FSCB: variants seen among roughly 807,000 people sequenced by gnomAD.
FSCB encodes fibrous sheath CABYR binding protein.
For missense variants in FSCB, 975 were observed against 934.8 expected (o/e 1.04, Z -0.56); for synonymous variants, 331 against 336.6 (o/e 0.98, Z 0.18).
At position 44,504,505 on chromosome 14, in the gene FSCB, C is replaced by A; in HGVS notation, c.*5G>T. ...CTTCTGATTGCTAGCTTAGGTACAA[C>A]CTGACTACAGTTCAGGAGGACGTTG... On this transcript the variant is annotated 3_prime_UTR_variant, in exon 1 of 1. Transcript: ENST00000340446. 3 of 1,590,518 alleles carry A rather than the reference C, an allele frequency of 1.9e-6. No individual in the cohort carries two copies. The highest frequency in any genetic ancestry group is 8.6e-7 in the Non-Finnish European group (1 of 1,167,552).
At position 44,505,622 on chromosome 14, in the gene FSCB, C is replaced by G; in HGVS notation, c.1366G>C (p.Glu456Gln). 6.2e-7 allele frequency: 1 copy of G among 1,613,444 alleles called. No individual in the cohort carries two copies. Among genetic ancestry groups the G allele is most frequent in the Non-Finnish European group, 8.5e-7 (1 of 1,179,986 alleles). The change falls in exon 1 of 1, where the codon GAA becomes CAA. Residue 456 changes from glutamate to glutamine, a missense_variant. Transcript: ENST00000340446. ...METPAEEAPT[E>Q]FQSPLPKETT... The stretch of plus-strand genomic sequence containing the variant: ...TCTTTAGGTAATGGAGACTGAAATT[C>G]AGTAGGAGCCTCTTCTGCAGGGGTC...
rs1881018074 is a variant in FSCB, at chr14:44,504,662, C to T, written c.2326G>A (p.Val776Ile). 3 of 1,614,170 alleles carry T rather than the reference C, an allele frequency of 1.9e-6. No individual in the cohort carries two copies. The highest frequency in any genetic ancestry group is 1.7e-6 in the Non-Finnish European group (2 of 1,180,048). Residue 776 changes from valine to isoleucine, a missense_variant, in exon 1 of 1, where the codon GTT (valine) becomes ATT (isoleucine). Physicochemically the swap from Val to Ile is conservative, Grantham distance 29. Coordinates refer to ENST00000340446, the MANE Select transcript of FSCB (RefSeq NM_032135.4). Reference sequence around the variant, plus strand: ...AATTTTGCTTCACCTTCCAAAACAACCGATCCTAATTTTACTGCTGGAATT... The same window carrying T: ...AATTTTGCTTCACCTTCCAAAACAATCGATCCTAATTTTACTGCTGGAATT... ...AGIPAVKLGS[V>I]VLEGEAKFEE...
In FSCB at chr14:44,505,979, A is replaced by G; in HGVS notation, c.1009T>C (p.Ser337Pro). 6.2e-7 allele frequency: 1 copy of G among 1,613,836 alleles called. No individual in the cohort carries two copies. Among genetic ancestry groups the G allele is most frequent in the Non-Finnish European group, 8.5e-7 (1 of 1,179,810 alleles). Residue 337 changes from serine to proline, a missense_variant, in exon 1 of 1, where the codon TCA becomes CCA. Physicochemically the swap from Ser to Pro is moderately conservative, Grantham distance 74. Coordinates refer to ENST00000340446, the MANE Select transcript of FSCB (RefSeq NM_032135.4). ...VEFPAEIQPP[S>P]AEESPSVELL... ...TCTACAGAAGGAGACTCTTCAGCTG[A>G]TGGAGGCTGAATTTCAGCAGGAAAC...
In FSCB at chr14:44,506,082, A is replaced by G; in HGVS notation, c.906T>C (p.Asp302=). The change falls in exon 1 of 1, where the codon GAT becomes GAC. Residue 302 remains aspartate, a synonymous_variant. Transcript: ENST00000340446. ...QVQPSTEETP[D]AEAATAVAEN... is the part of the protein sequence containing the mutation. ...CCGCAACTGCAGTGGCTGCCTCAGC[A>G]TCAGGAGTCTCTTCAGTTGATGGCT... 3 of 1,614,164 alleles carry G rather than the reference A, an allele frequency of 1.9e-6. No individual in the cohort carries two copies. The South Asian group carries it at 3.3e-5, about 18-fold the overall frequency.
chr14:44,505,946 C>G lies in FSCB; in HGVS notation c.1042G>C (p.Ala348Pro), dbSNP rs147364476. 3.1e-4 allele frequency: 492 copies of G among 1,613,106 alleles called. No homozygotes were observed. Among genetic ancestry groups the G allele is most frequent in the Non-Finnish European group, 4.0e-4 (471 of 1,179,294 alleles). ...AEESPSVELL[A>P]EILPPSAEES... ...TCAGCTGATGGAGGCAGAATTTCAG[C>G]CAGAAGCTCTACAGAAGGAGACTCT... Residue 348 changes from alanine (A) to proline (P), a missense_variant, in exon 1 of 1, where the codon GCT becomes CCT. Coordinates refer to ENST00000340446, the MANE Select transcript of FSCB (RefSeq NM_032135.4).
chr14:44,505,178 C>G lies in FSCB; in HGVS notation c.1810G>C (p.Glu604Gln). Residue 604 changes from glutamate to glutamine, a missense_variant, in exon 1 of 1, where the codon GAA becomes CAA. Glu to Gln is a conservative substitution (Grantham distance 29). Coordinates refer to ENST00000340446, the MANE Select transcript of FSCB (RefSeq NM_032135.4). Reference sequence around the variant, plus strand: ...GGCTGAACTTCAGCAGGAGCCTCTTCTGCAGAAGCCTCTGTAGCTGCTAGA... The same window carrying G: ...GGCTGAACTTCAGCAGGAGCCTCTTGTGCAGAAGCCTCTGTAGCTGCTAGA... ...QLLAATEASA[E>Q]EAPAEVQPPP... 1 of 1,612,176 alleles carries G rather than the reference C, an allele frequency of 6.2e-7. No individual in the cohort carries two copies. Among genetic ancestry groups the G allele is most frequent in the Non-Finnish European group, 8.5e-7 (1 of 1,179,972 alleles).
Position 44,506,914 on chromosome 14 carries a change from G to A in FSCB, c.74C>T (p.Pro25Leu), listed in dbSNP as rs567888781. 3 of 1,610,958 alleles carry A rather than the reference G, an allele frequency of 1.9e-6. No individual in the cohort carries two copies. The highest frequency in any genetic ancestry group is 2.5e-6 in the Non-Finnish European group (3 of 1,177,672). Reference protein sequence around the residue: ...KHMAIPKSSSPKATHRIGNTS... With the variant: ...KHMAIPKSSSLKATHRIGNTS... ...ATTACCAATACGATGGGTAGCTTTG[G>A]GGCTAGATGATTTTGGTATGGCCAT... The change falls in exon 1 of 1, where the codon CCC (proline) becomes CTC (leucine). Residue 25 changes from proline (P) to leucine (L), a missense_variant. By Grantham distance (98) the Pro-to-Leu change is moderately conservative. Transcript: ENST00000340446.
rs1414283611 is a variant in FSCB at position 44,504,475 on chromosome 14, T to G, written c.*35A>C. On this transcript the variant is annotated 3_prime_UTR_variant, in exon 1 of 1. Coordinates refer to ENST00000340446, the MANE Select transcript of FSCB (RefSeq NM_032135.4). ...TCTAAAGTATGTTCTTCCAAAACCA[T>G]GTAGCTTCTGATTGCTAGCTTAGGT... 1 of 1,499,960 alleles carries G rather than the reference T, an allele frequency of 6.7e-7. No homozygotes were observed. The highest frequency in any genetic ancestry group is 1.3e-5 in the South Asian group (1 of 76,772). The allele number at this position is 1,499,960 out of a possible 1,614,324, so 92.9% of individuals were successfully genotyped here. A position where few individuals can be genotyped will look rare whatever the true frequency, so the allele number is the denominator to read the frequency against.
At position 44,506,119 on chromosome 14, in the gene FSCB, T is replaced by A. The variant is rs1350040172; in HGVS notation, c.869A>T (p.His290Leu). ...KAEPRPAEET[H>L]VQVQPSTEET... ...TTCAGTTGATGGCTGTACTTGGACATGGGTCTCTTCAGCAGGTCTGGGCTC... is the reference window on the plus strand; with the variant it reads ...TTCAGTTGATGGCTGTACTTGGACAAGGGTCTCTTCAGCAGGTCTGGGCTC... The change falls in exon 1 of 1, where the codon CAT becomes CTT. Residue 290 changes from histidine (H) to leucine (L), a missense_variant. His to Leu is a moderately conservative substitution (Grantham distance 99). Transcript: ENST00000340446. 6.2e-7 allele frequency: 1 copy of A among 1,614,026 alleles called. No individual in the cohort carries two copies. Among genetic ancestry groups the A allele is most frequent in the Non-Finnish European group, 8.5e-7 (1 of 1,179,992 alleles).
In FSCB at chr14:44,506,509, C is replaced by G; in HGVS notation, c.479G>C (p.Ser160Thr). ...GGAAATAACCACTATTTCTGATTCA[C>G]TAAAGTATGTCTGTTGTTCCTTGTC... ...KVDKEQQTYF[S>T]ESEIVVISRP... The change falls in exon 1 of 1, where the codon AGT becomes ACT. Residue 160 changes from serine to threonine, a missense_variant. By Grantham distance (58) the Ser-to-Thr change is moderately conservative. Coordinates refer to ENST00000340446, the MANE Select transcript of FSCB (RefSeq NM_032135.4). The G allele has an allele frequency of 6.2e-7, 1 of 1,614,190 alleles. No homozygotes were observed. Among genetic ancestry groups the G allele is most frequent in the Non-Finnish European group, 8.5e-7 (1 of 1,180,022 alleles).
At position 44,506,302 on chromosome 14, in the gene FSCB, A is replaced by G. The variant is rs374505767; in HGVS notation, c.686T>C (p.Leu229Pro). The change falls in exon 1 of 1, where the codon CTT becomes CCT. Residue 229 changes from leucine to proline, a missense_variant. Coordinates refer to ENST00000340446, the MANE Select transcript of FSCB (RefSeq NM_032135.4). ...TQETKKGPPV[L>P]LEDELREEVT... ...TTCTTCCCTAAGCTCATCTTCTAAA[A>G]GTACCGGGGGACCTTTTTTAGTCTC... The G allele has an allele frequency of 6.2e-7, 1 of 1,614,018 alleles. No individual in the cohort carries two copies.
rs781774468 is a variant in FSCB at position 44,505,506 on chromosome 14, T to C, written c.1482A>G (p.Pro494=). ...ADETPAEARS[P]LSEETSAEEA... ...CTTCTGCAGAAGTCTCCTCAGATAG[T>C]GGAGACCGAGCTTCGGCAGGAGTTT... The change falls in exon 1 of 1, where the codon CCA becomes CCG. Residue 494 remains proline, a synonymous_variant. Coordinates refer to ENST00000340446, the MANE Select transcript of FSCB (RefSeq NM_032135.4). The C allele has an allele frequency of 4.0e-5, 64 of 1,612,156 alleles. No homozygotes were observed. In the East Asian group the frequency reaches 1.2e-3, roughly 30 times the overall value.
At position 44,505,576 on chromosome 14, in the gene FSCB, G is replaced by A. The variant is rs768084268; in HGVS notation, c.1412C>T (p.Ser471Phe). ...AGCTGCTAGAAGCTGAATTTCAGCA[G>A]AGGCCTCTTCTGCAGTGGTCTCTTT... ...LPKETTAEEA[S>F]AEIQLLAATE... is the part of the protein sequence containing the mutation. The change falls in exon 1 of 1, where the codon TCT becomes TTT. Residue 471 changes from serine to phenylalanine, a missense_variant. Transcript: ENST00000340446. The A allele has an allele frequency of 6.8e-6, 11 of 1,612,818 alleles. No individual in the cohort carries two copies. The South Asian group carries it at 1.2e-4, about 18-fold the overall frequency.
At position 44,506,401 on chromosome 14, in the gene FSCB, G is replaced by C. The variant is rs1458467577; in HGVS notation, c.587C>G (p.Pro196Arg). The change falls in exon 1 of 1, where the codon CCT becomes CGT. Residue 196 changes from proline to arginine, a missense_variant. Coordinates refer to ENST00000340446, the MANE Select transcript of FSCB (RefSeq NM_032135.4). ...GCTGTTTGTTGCTGGTTGAAATTCA[G>C]GGTGTTCACTAGCAAAAATCTTTCC... ...SSGKIFASEH[P>R]EFQPATNSNE... 6.2e-7 allele frequency: 1 copy of C among 1,613,884 alleles called. No homozygotes were observed. Among genetic ancestry groups the C allele is most frequent in the African/African-American group, 1.3e-5 (1 of 74,834 alleles).
In FSCB at chr14:44,506,495, C is replaced by T. The variant is rs1461710339; in HGVS notation, c.493G>A (p.Val165Met). The T allele has an allele frequency of 5.0e-6, 8 of 1,614,202 alleles. No individual in the cohort carries two copies. The highest frequency in any genetic ancestry group is 6.8e-6 in the Non-Finnish European group (8 of 1,180,036). Residue 165 changes from valine (V) to methionine (M), a missense_variant, in exon 1 of 1, where the codon GTG (valine) becomes ATG (methionine). Coordinates refer to ENST00000340446, the MANE Select transcript of FSCB (RefSeq NM_032135.4). ...QQTYFSESEI[V>M]VISRPDSSST... ...GAACTATCTGGCCTGGAAATAACCA[C>T]TATTTCTGATTCACTAAAGTATGTC... is the stretch of plus-strand genomic sequence containing the variant.
Position 44,506,481 on chromosome 14 carries a change from C to A in FSCB, c.507G>T (p.Arg169Ser). Residue 169 changes from arginine to serine, a missense_variant, in exon 1 of 1, where the codon AGG becomes AGT. Physicochemically the swap from Arg to Ser is moderately radical, Grantham distance 110. Coordinates refer to ENST00000340446, the MANE Select transcript of FSCB (RefSeq NM_032135.4). ...TTGACTTTGTAGAAGAACTATCTGGCCTGGAAATAACCACTATTTCTGATT... is the reference window on the plus strand; with the variant it reads ...TTGACTTTGTAGAAGAACTATCTGGACTGGAAATAACCACTATTTCTGATT... ...FSESEIVVISRPDSSSTKSKE... is the reference protein window; with the variant it reads ...FSESEIVVISSPDSSSTKSKE... 6.2e-7 allele frequency: 1 copy of A among 1,614,138 alleles called. No individual in the cohort carries two copies. Among genetic ancestry groups the A allele is most frequent in the Non-Finnish European group, 8.5e-7 (1 of 1,180,024 alleles).
rs777813502 is a variant in FSCB, at chr14:44,505,959, A to G, written c.1029T>C (p.Ser343=). The G allele has an allele frequency of 1.2e-6, 2 of 1,613,010 alleles. No individual in the cohort carries two copies. Among genetic ancestry groups the G allele is most frequent in the Non-Finnish European group, 1.7e-6 (2 of 1,179,278 alleles). ...IQPPSAEESP[S]VELLAEILPP... ...GCAGAATTTCAGCCAGAAGCTCTACAGAAGGAGACTCTTCAGCTGATGGAG... is the reference window on the plus strand; with the variant it reads ...GCAGAATTTCAGCCAGAAGCTCTACGGAAGGAGACTCTTCAGCTGATGGAG... The change falls in exon 1 of 1, where the codon TCT becomes TCC. Residue 343 remains serine (S), a synonymous_variant. Transcript: ENST00000340446.
Position 44,506,759 on chromosome 14 carries a change from T to C in FSCB, c.229A>G (p.Thr77Ala). Residue 77 changes from threonine to alanine, a missense_variant, in exon 1 of 1, where the codon ACC (threonine) becomes GCC (alanine). Physicochemically the swap from Thr to Ala is moderately conservative, Grantham distance 58. Coordinates refer to ENST00000340446, the MANE Select transcript of FSCB (RefSeq NM_032135.4). Reference protein sequence around the residue: ...EMTSKSLQTDTIVEEKKEVKL... With the variant: ...EMTSKSLQTDAIVEEKKEVKL... Reference sequence around the variant, plus strand: ...ACTTCTTTTTTCTCTTCTACAATGGTGTCTGTCTGGAGAGACTTACTAGTC... The same window carrying C: ...ACTTCTTTTTTCTCTTCTACAATGGCGTCTGTCTGGAGAGACTTACTAGTC... The C allele has an allele frequency of 1.9e-6, 3 of 1,614,190 alleles. No homozygotes were observed. Among genetic ancestry groups the C allele is most frequent in the Non-Finnish European group, 2.5e-6 (3 of 1,180,012 alleles).
Position 44,504,826 on chromosome 14 carries a change from G to C in FSCB, c.2162C>G (p.Ala721Gly). ...AAACTCCTCAGTCAGAAGCAAATCA[G>C]CTGGTGGGGAATGTTTGTCAACGGA... ...EASVDKHSPP[A>G]DLLLTEEFPI... is the part of the protein sequence containing the mutation. Residue 721 changes from alanine (A) to glycine (G), a missense_variant, in exon 1 of 1, where the codon GCT becomes GGT. By Grantham distance (60) the Ala-to-Gly change is moderately conservative (BLOSUM62 0). Coordinates refer to ENST00000340446, the MANE Select transcript of FSCB (RefSeq NM_032135.4). The C allele has an allele frequency of 6.2e-7, 1 of 1,614,096 alleles. No homozygotes were observed. The highest frequency in any genetic ancestry group is 8.5e-7 in the Non-Finnish European group (1 of 1,180,026).
Sources: allele counts gnomAD v4.1 joint callset, GRCh38; gene constraint gnomAD v4.1.1; transcripts MANE v1.5; gene names NCBI Gene and HGNC (gene_info 2026-07-23, HGNC 2026-07-21).